The following MAP2K5 variants were observed in gnomAD, a reference collection of about 807,000 sequenced individuals.
MAP2K5 encodes mitogen-activated protein kinase kinase 5.
In MAP2K5, 49 loss-of-function variants were observed where a neutral mutation model predicts 83.1. The ratio of observed to expected loss-of-function variants is 0.59; its 90% CI spans 0.47 to 0.75. The LOEUF (loss-of-function observed/expected upper bound fraction) is 0.75. MAP2K5 is among the 30% of genes least tolerant of loss of function. MAP2K5 has a pLI of 0.00. For missense variants in MAP2K5, 457 were observed against 557.5 expected (o/e 0.82, Z 1.82); for synonymous variants, 202 against 191.8 (o/e 1.05, Z -0.44).
chr15:67,586,178 G>C, intron 5 of MAP2K5, among the ~76,000 whole-genome samples: 1 of 152,112 alleles, frequency 6.6e-6, no homozygotes, highest in Non-Finnish European at 1.5e-5. Context: ...GTGTCTTCAG[G>C]ATAATCCTAG....
chr15:67,649,348 T>G (rs1464765122), intron 11 of MAP2K5, among the ~76,000 whole-genome samples: 1 of 152,138 alleles, frequency 6.6e-6, no homozygotes, highest in African/African-American at 2.4e-5. Flanking sequence ...TTCACTTTCT[T>G]TTTTCTTTTC....
intron 13 of MAP2K5, among the ~76,000 whole-genome samples, chr15:67,679,037 A>G (rs1386347437): frequency 2.0e-5 from 3 of 151,868 alleles, no homozygotes; most frequent in Non-Finnish European, 4.4e-5. Context: ...ACATTAAGTA[A>G]CTCCAACTGT....
intron 12 of MAP2K5, among the ~76,000 whole-genome samples, chr15:67,663,542 C>G (rs1333363104): frequency 1.3e-5 from 2 of 152,160 alleles, no homozygotes; most frequent in African/African-American, 4.8e-5. Flanking sequence ...AGTTTCTATT[C>G]TACCCACTGC....
intron 9 of MAP2K5, among the ~76,000 whole-genome samples, chr15:67,633,543 G>A (rs1363336628): frequency 6.6e-6 from 1 of 152,220 alleles, no homozygotes; most frequent in Non-Finnish European, 1.5e-5. Flanking sequence ...CAATTTTAAA[G>A]AAAGGACATA....
At chr15:67,723,355 T>C (rs774639222) in intron 16 of MAP2K5, among the ~76,000 whole-genome samples, 3 of 152,172 alleles carry the variant, frequency 2.0e-5, no homozygotes, top group Non-Finnish European at 4.4e-5. Flanking sequence ...TGAAGAGCAT[T>C]TTATAGATTG....
At position 67,634,367 on chromosome 15, in the gene MAP2K5, C is replaced by CAAAAAAAAAAAAAAAAAAAAAAAAA. The variant is rs71142390; in HGVS notation, c.585+3458_585+3482dup. On this transcript the variant is annotated intron_variant, in intron 9 of 21. Coordinates refer to ENST00000178640, the MANE Select transcript of MAP2K5 (RefSeq NM_145160.3). Reference sequence around the variant, plus strand: ...TGGGTGACAGAGTAAGACCTCATCTCAAAAAAAAAAAAAAAAAAAAAAAAA... The same window carrying CAAAAAAAAAAAAAAAAAAAAAAAAA: ...TGGGTGACAGAGTAAGACCTCATCTCAAAAAAAAAAAAAAAAAAAAAAAAAAAAAAAAAAAAAAAAAAAAAAAAAA... 2.1e-4 allele frequency among the ~76,000 whole-genome samples: 10 copies of CAAAAAAAAAAAAAAAAAAAAAAAAA among 48,576 alleles called. 3 individuals are homozygous for CAAAAAAAAAAAAAAAAAAAAAAAAA. The highest frequency in any genetic ancestry group is 3.2e-4 in the Non-Finnish European group (8 of 24,804). The allele number at this position is 48,576 out of a possible 152,430, so 31.9% of individuals were successfully genotyped here.
chr15:67,620,314 T>C (rs1389500151), intron 8 of MAP2K5, among the ~76,000 whole-genome samples: 1 of 152,142 alleles, frequency 6.6e-6, no homozygotes, highest in African/African-American at 2.4e-5. Flanking sequence ...GAGGTTTCAT[T>C]GAGCCGAGAC....
At chr15:67,678,657 A>G (rs1408134490) in intron 13 of MAP2K5, among the ~76,000 whole-genome samples, 1 of 152,056 alleles carries the variant, frequency 6.6e-6, no homozygotes, top group East Asian at 1.9e-4. Context: ...AAAAATCACA[A>G]TTTTCTTTAG....
At chr15:67,613,780 T>G (rs17242186) in intron 8 of MAP2K5, among the ~76,000 whole-genome samples, 1 of 151,998 alleles carries the variant, frequency 6.6e-6, no homozygotes, top group African/African-American at 2.4e-5. Context: ...CTTGAGTTTT[T>G]AATGGAAACG....
In MAP2K5 at chr15:67,748,566, C is replaced by T. The variant is rs375365952; in HGVS notation, c.1102-3C>T. ...CTTTTTCCTCTCTTCTTTTCCATTG[C>T]AGCCTCTCCAGCTTCTGCAGTGCAT... On this transcript the variant is annotated splice_region_variant and splice_polypyrimidine_tract_variant and intron_variant, in intron 18 of 21. Coordinates refer to ENST00000178640, the MANE Select transcript of MAP2K5 (RefSeq NM_145160.3). This position sits in a 1 kb window ranked among gnomAD's most constrained non-coding sequence, Gnocchi z 4.0. The T allele has an allele frequency of 5.0e-6, 8 of 1,613,688 alleles. No individual in the cohort carries two copies. The highest frequency in any genetic ancestry group is 5.9e-6 in the Non-Finnish European group (7 of 1,179,760).
chr15:67,702,435 G>T lies in MAP2K5; in HGVS notation c.973-902G>T, dbSNP rs191241614. On this transcript the variant is annotated intron_variant, in intron 15 of 21. Coordinates refer to ENST00000178640, the MANE Select transcript of MAP2K5 (RefSeq NM_145160.3). This position sits in a 1 kb window ranked among gnomAD's most constrained non-coding sequence, Gnocchi z 4.6. ...TGGTATCTATTGAATTGGATATTGG[G>T]GTGTAAGTTATGATCTCAGCCTTGC... Among the ~76,000 whole-genome samples the T allele has an allele frequency of 2.0e-5, 3 of 152,278 alleles. No individual in the cohort carries two copies. Among genetic ancestry groups the T allele is most frequent in the Non-Finnish European group, 4.4e-5 (3 of 68,004 alleles).
rs1168515363 is a variant in MAP2K5 at position 67,764,704 on chromosome 15, A to G, written c.1135-4898A>G. On this transcript the variant is annotated intron_variant, in intron 19 of 21. Coordinates refer to ENST00000178640, the MANE Select transcript of MAP2K5 (RefSeq NM_145160.3). This position sits in a 1 kb window ranked among gnomAD's most constrained non-coding sequence, Gnocchi z 4.9. ...AATGATTGTATCATTTTTACACAGT[A>G]TTTTATGTTATGCCTTATCAGTGTC... 6.6e-6 allele frequency among the ~76,000 whole-genome samples: 1 copy of G among 152,216 alleles called. No homozygotes were observed. The highest frequency in any genetic ancestry group is 1.5e-5 in the Non-Finnish European group (1 of 68,036).
At chr15:67,733,269 A>G (rs533841853) in intron 17 of MAP2K5, among the ~76,000 whole-genome samples, 1 of 152,326 alleles carries the variant, frequency 6.6e-6, no homozygotes, top group South Asian at 2.1e-4. Flanking sequence ...GGCAAGCTTG[A>G]TGTTATTCCA....
chr15:67,654,142 A>G (rs1466155987), intron 11 of MAP2K5, among the ~76,000 whole-genome samples: 1 of 152,090 alleles, frequency 6.6e-6, no homozygotes, highest in African/African-American at 2.4e-5. Context: ...TCAAAAACTA[A>G]TATTTTTGAG....
At chr15:67,718,679 G>T (rs140726826) in intron 16 of MAP2K5, among the ~76,000 whole-genome samples, 2 of 152,088 alleles carry the variant, frequency 1.3e-5, no homozygotes, top group Admixed American at 6.5e-5. Context: ...CAGGAGAATC[G>T]CTTGAACCTG....
At chr15:67,624,894 G>C (rs556452320) in intron 8 of MAP2K5, among the ~76,000 whole-genome samples, 1 of 152,256 alleles carries the variant, frequency 6.6e-6, no homozygotes, top group South Asian at 2.1e-4. Flanking sequence ...GCCTCCCAAA[G>C]TGCTGGGATT....
chr15:67,761,739 G>GA (rs1351721125), intron 19 of MAP2K5, among the ~76,000 whole-genome samples: 1 of 152,048 alleles, frequency 6.6e-6, no homozygotes, highest in Non-Finnish European at 1.5e-5. Context: ...CTTTATCTAT[G>GA]AAAAGATCAA....
At chr15:67,647,876 A>AT (rs2086864547) in intron 11 of MAP2K5, among the ~76,000 whole-genome samples, 1 of 151,600 alleles carries the variant, frequency 6.6e-6, no homozygotes, top group Non-Finnish European at 1.5e-5. Context: ...CTTAAAAAAA[A>AT]TAAAAAAAGG....
At chr15:67,684,799 A>G (rs923470985) in intron 13 of MAP2K5, among the ~76,000 whole-genome samples, 2 of 152,252 alleles carry the variant, frequency 1.3e-5, no homozygotes, top group African/African-American at 2.4e-5. Context: ...TATGAAAAAT[A>G]TCTGAAATAA....
Sources: gnomAD v4.1 joint callset for allele counts (sites outside exome capture counted in the v4.1 genomes callset) on GRCh38, gnomAD v4.1.1 for gene constraint, Gnocchi (gnomAD v3.1) non-coding constraint, MANE v1.5 for transcripts, NCBI Gene and HGNC (gene_info 2026-07-23, HGNC 2026-07-21) for gene names.